The following CFAP92 variants were observed in gnomAD, a reference collection of about 807,000 sequenced individuals.
The protein encoded by CFAP92 is cilia and flagella associated protein 92 (putative).
CFAP92 carries 86 observed loss-of-function variants against 106.3 expected under a neutral mutation model. That is an observed-to-expected ratio of 0.81 (90% confidence interval 0.68 to 0.97). The LOEUF (loss-of-function observed/expected upper bound fraction) is 0.97. Among genes scored for constraint, CFAP92 ranks in the 50% least tolerant of loss-of-function variants. The probability of loss-of-function intolerance (pLI) is 0.00; values close to 1 mark genes in which losing one functional copy is unlikely to be tolerated. For synonymous variants in CFAP92, 477 were observed against 506.4 expected, an observed-to-expected ratio of 0.94 and a Z score of 0.78; for missense variants, 1,204 against 1,283.8, an observed-to-expected ratio of 0.94 and a Z score of 0.95.
Position 128,929,457 on chromosome 3 carries a change from G to A in CFAP92, c.2751+3243C>T, listed in dbSNP as rs189745020. On this transcript the variant is annotated intron_variant, in intron 12 of 15. Transcript: ENST00000645291. ...AAGAGAAATGAAAACATATTTTCAC[G>A]TAATGATTTGTATGCAAATGTTTAT... 3.9e-5 allele frequency among the ~76,000 whole-genome samples: 6 copies of A among 152,232 alleles called. No individual in the cohort carries two copies. The East Asian group carries it at 5.8e-4, about 15-fold the overall frequency.
At position 128,910,262 on chromosome 3, in the gene CFAP92, G is replaced by A. The variant is rs1936119793; in HGVS notation, c.*37C>T. On this transcript the variant is annotated 3_prime_UTR_variant, in exon 16 of 16. Coordinates refer to ENST00000645291, the MANE Select transcript of CFAP92 (RefSeq NM_001394090.1). The stretch of plus-strand genomic sequence containing the variant: ...GTCGGGTGTGGGGGAGGCTGTGCAG[G>A]TTCACCATGCGGTGGCCGTGGGAGG... 1.3e-6 allele frequency: 2 copies of A among 1,553,428 alleles called. No homozygotes were observed. Among genetic ancestry groups the A allele is most frequent in the Non-Finnish European group, 1.7e-6 (2 of 1,152,090 alleles).
chr3:129,001,603 GGAGGAGC>G, intron 1 of CFAP92: 1 of 1,355,010 alleles, frequency 7.4e-7, no homozygotes, highest in Non-Finnish European at 9.4e-7. Flanking sequence ...AGGAGGGACC[GGAGGAGC>G]GAGGCGCGCG....
At chr3:128,952,856 G>C (rs1263931450) in intron 9 of CFAP92, among the ~76,000 whole-genome samples, 1 of 151,160 alleles carries the variant, frequency 6.6e-6, no homozygotes, top group Non-Finnish European at 1.5e-5. Context: ...GAGGCCAAGG[G>C]GGTGGCTCAC....
Position 128,964,332 on chromosome 3 carries a change from T to C in CFAP92, c.1353+1179A>G, listed in dbSNP as rs572597003. Among the ~76,000 whole-genome samples the C allele has an allele frequency of 2.6e-5, 4 of 151,476 alleles. No homozygotes were observed. In the East Asian group the frequency reaches 5.9e-4, roughly 22 times the overall value. Reference sequence around the variant, plus strand: ...AAGCTCCTGTGTAGATGCTCCTTTTTATTAGGCCCCAGTCTCATTTGACAC... The same window carrying C: ...AAGCTCCTGTGTAGATGCTCCTTTTCATTAGGCCCCAGTCTCATTTGACAC... On this transcript the variant is annotated intron_variant, in intron 9 of 15. Transcript: ENST00000645291.
At position 128,977,751 on chromosome 3, in the gene CFAP92, C is replaced by T. The variant is rs150861565; in HGVS notation, c.808+294G>A. ...GTGGGCGCCTGTAATCCCAGCTACT[C>T]GGGAGGCTGAGGCAGGAGAATCACT... On this transcript the variant is annotated intron_variant, in intron 5 of 15. Coordinates refer to ENST00000645291, the MANE Select transcript of CFAP92 (RefSeq NM_001394090.1). Among the ~76,000 whole-genome samples the T allele has an allele frequency of 9.0e-3, 1,367 of 152,132 alleles. 20 individuals are homozygous for T. The highest frequency in any genetic ancestry group is 0.031 in the African/African-American group (1,293 of 41,506).
intron 10 of CFAP92, among the ~76,000 whole-genome samples, chr3:128,937,428 G>A (rs527497695): frequency 8.6e-5 from 13 of 151,896 alleles, no homozygotes; most frequent in East Asian, 5.8e-4. Flanking sequence ...GTGAAACCCC[G>A]TCTCTACTAA....
chr3:128,912,397 C>A, intron 15 of CFAP92: 1 of 904,076 alleles, frequency 1.1e-6, no homozygotes. Flanking sequence ...ACCCTTAGGG[C>A]TGCTTCATGG....
chr3:128,954,856 G>A (rs1941214022), intron 9 of CFAP92, among the ~76,000 whole-genome samples: 1 of 8,050 alleles, frequency 1.2e-4, no homozygotes, highest in Admixed American at 8.1e-4. Context: ...CGCCCCGTCC[G>A]GGAGGGAGGT....
chr3:128,923,239 C>T (rs1472214192), intron 12 of CFAP92, among the ~76,000 whole-genome samples: 1 of 152,194 alleles, frequency 6.6e-6, no homozygotes, highest in Non-Finnish European at 1.5e-5. Context: ...GGAGGGGGTT[C>T]CCCCAGTACG....
At chr3:128,942,374 C>G (rs1163805500) in intron 10 of CFAP92, among the ~76,000 whole-genome samples, 2 of 152,166 alleles carry the variant, frequency 1.3e-5, no homozygotes, top group Non-Finnish European at 2.9e-5. Flanking sequence ...GCAGCTCGCC[C>G]CAGCCCTGGC....
chr3:128,923,854 GT>G (rs1463175607), intron 12 of CFAP92, among the ~76,000 whole-genome samples: 1 of 152,192 alleles, frequency 6.6e-6, no homozygotes, highest in African/African-American at 2.4e-5. Flanking sequence ...AAAAGAGAAG[GT>G]TTTTGAAGCC....
In CFAP92 at chr3:128,930,970, G is replaced by A. The variant is rs368687748; in HGVS notation, c.2751+1730C>T. Among the ~76,000 whole-genome samples, 22 of 152,086 alleles carry A rather than the reference G, an allele frequency of 1.4e-4. 1 individual carries two copies. The highest frequency in any genetic ancestry group is 4.6e-4 in the Admixed American group (7 of 15,260). ...TCTGAGTGCTGGAATGCAGTGGCGC[G>A]ATCTTGGCTCACTGCAACCTTACCT... On this transcript the variant is annotated intron_variant, in intron 12 of 15. Transcript: ENST00000645291.
At position 128,988,840 on chromosome 3, in the gene CFAP92, C is replaced by A. The variant is rs375148155; in HGVS notation, c.341G>T (p.Arg114Leu). The A allele has an allele frequency of 6.2e-7, 1 of 1,613,736 alleles. No individual in the cohort carries two copies. The highest frequency in any genetic ancestry group is 8.5e-7 in the Non-Finnish European group (1 of 1,179,716). ...PKTDSSVTKM[R>L]RFYHIEYFLL... ...GAAATACTCAATGTGGTAAAAACGA[C>A]GCATCTTTGTAACAGAACTGTCTGT... The change falls in exon 3 of 16, where the codon CGT becomes CTT. Residue 114 changes from arginine (R) to leucine (L), a missense_variant. Coordinates refer to ENST00000645291, the MANE Select transcript of CFAP92 (RefSeq NM_001394090.1).
intron 2 of CFAP92, among the ~76,000 whole-genome samples, chr3:128,989,356 T>C (rs13071088): frequency 6.8e-6 from 1 of 146,060 alleles, no homozygotes; most frequent in East Asian, 2.0e-4. Flanking sequence ...AGGAACAAGG[T>C]TGTGAAGAAC....
rs370184653 is a variant in CFAP92 at position 128,961,962 on chromosome 3, C to T, written c.1353+3549G>A. ...TGGCCAGGTGTTCCTCCAGAACCTC[C>T]TCCCCCAGGAGCTTGCTACAAGTGC... is the stretch of plus-strand genomic sequence containing the variant. On this transcript the variant is annotated intron_variant, in intron 9 of 15. Transcript: ENST00000645291. Among the ~76,000 whole-genome samples, 209 of 152,292 alleles carry T rather than the reference C, an allele frequency of 1.4e-3. 1 individual carries two copies. Among genetic ancestry groups the T allele is most frequent in the African/African-American group, 4.6e-3 (193 of 41,556 alleles).
chr3:128,968,461 T>TA (rs1942542938), intron 8 of CFAP92: 2 of 152,334 alleles, frequency 1.3e-5, no homozygotes, highest in African/African-American at 4.8e-5. Context: ...AAACCAGACA[T>TA]ACAACTGGCC....
intron 1 of CFAP92, chr3:129,002,202 G>A (rs1199023052): frequency 2.0e-6 from 3 of 1,512,076 alleles, no homozygotes; most frequent in Non-Finnish European, 8.8e-7. Context: ...GCCTGGCCCC[G>A]ACAGCGGTCC....
chr3:128,950,443 C>T (rs986722671), intron 9 of CFAP92, among the ~76,000 whole-genome samples: 1 of 152,194 alleles, frequency 6.6e-6, no homozygotes, highest in Non-Finnish European at 1.5e-5. Flanking sequence ...GTGAAACAAA[C>T]AGGAAGATCA....
At chr3:128,932,504 G>T (rs1938510791) in intron 12 of CFAP92, among the ~76,000 whole-genome samples, 196 bp downstream of exon 12, 2 of 152,156 alleles carry the variant, frequency 1.3e-5, no homozygotes, top group African/African-American at 2.4e-5. Context: ...TCTAGGACTG[G>T]GAGTGAAGGT....
Sources: allele counts gnomAD v4.1 joint callset (sites outside exome capture counted in the v4.1 genomes callset), GRCh38; gene constraint gnomAD v4.1.1; transcripts MANE v1.5; gene names NCBI Gene and HGNC (gene_info 2026-07-23, HGNC 2026-07-21).